Variants in NUP43 observed in about 807,000 individuals in gnomAD.
NUP43 encodes the protein nucleoporin 43.
In NUP43, 32 loss-of-function variants were observed where a neutral mutation model predicts 47.3. That is an observed-to-expected ratio of 0.68 (90% CI 0.51 to 0.91). The LOEUF (loss-of-function observed/expected upper bound fraction) is 0.91. Among genes scored for constraint, NUP43 ranks in the 40% least tolerant of loss-of-function variants. The pLI, the probability that NUP43 is intolerant of heterozygous loss-of-function variation, is 0.00. For missense variants in NUP43, 444 were observed against 453.9 expected (o/e 0.98, Z 0.20); for synonymous variants, 147 against 158.4 (o/e 0.93, Z 0.54).
chr6:149,746,833 C>A (rs750845364), upstream of NUP43, among the ~76,000 whole-genome samples: 3 of 152,166 alleles, frequency 2.0e-5, no homozygotes, highest in Non-Finnish European at 4.4e-5. Context: ...CAGTAGAAAC[C>A]ACCTTGAAAC....
At position 149,736,502 on chromosome 6, in the gene NUP43, A is replaced by G; in HGVS notation, c.759T>C (p.Pro253=). Residue 253 remains proline, a synonymous_variant, in exon 6 of 8, where the codon CCT becomes CCC. Transcript: ENST00000340413. ...SIWDVRQGTM[P]VSLLKAHEAE... is the part of the protein sequence containing the mutation. ...CTTCATGAGCCTTCAGCAGAGATAC[A>G]GGCATAGTACCTTGTCTAACATCCC... 1.9e-6 allele frequency: 3 copies of G among 1,599,288 alleles called. No homozygotes were observed. Among genetic ancestry groups the G allele is most frequent in the Non-Finnish European group, 2.6e-6 (3 of 1,168,420 alleles).
chr6:149,738,235 A>G (rs534939851), intron 5 of NUP43, among the ~76,000 whole-genome samples: 2 of 152,188 alleles, frequency 1.3e-5, no homozygotes, highest in Admixed American at 1.3e-4. Flanking sequence ...AGTTTATGTA[A>G]CTATTTTTTC....
In NUP43 at chr6:149,726,858, T is replaced by C; in HGVS notation, c.*111A>G. On this transcript the variant is annotated 3_prime_UTR_variant, in exon 8 of 8. Coordinates refer to ENST00000340413, the MANE Select transcript of NUP43 (RefSeq NM_198887.3). ...GGCATTGACATTAATGGTAGTTTAC[T>C]GATGTTTCCCCTGCAAATCTCGTAT... 1.3e-6 allele frequency: 1 copy of C among 772,634 alleles called. No individual in the cohort carries two copies. Among genetic ancestry groups the C allele is most frequent in the Non-Finnish European group, 2.2e-6 (1 of 463,910 alleles). The allele number at this position is 772,634 out of a possible 1,614,324, so 47.9% of individuals were successfully genotyped here.
At position 149,725,420 on chromosome 6, in the gene NUP43, C is replaced by A. The variant is rs1272358981; in HGVS notation, c.*1549G>T. 5 of 152,200 alleles carry A rather than the reference C, an allele frequency of 3.3e-5. No individual in the cohort carries two copies. The highest frequency in any genetic ancestry group is 7.3e-5 in the Non-Finnish European group (5 of 68,076). 9.4% of individuals were successfully genotyped at this position (152,200 alleles called of 1,614,324 possible). A position where few individuals can be genotyped will look rare whatever the true frequency, so the allele number is the denominator to read the frequency against. On this transcript the variant is annotated 3_prime_UTR_variant, in exon 8 of 8. Coordinates refer to ENST00000340413, the MANE Select transcript of NUP43 (RefSeq NM_198887.3). ...CCTGGCCAACACAGTGAAACCCCAT[C>A]TCTACTAAAAATACAAAAATTAGCT...
At chr6:149,728,994 T>TTTTTC (rs943333524) in intron 7 of NUP43, among the ~76,000 whole-genome samples, 3 of 152,198 alleles carry the variant, frequency 2.0e-5, no homozygotes, top group African/African-American at 7.2e-5. Context: ...GTTATTTTCC[T>TTTTTC]TTTTCTTTTT....
At chr6:149,736,332 C>T (rs1785354553) in intron 6 of NUP43, 139 bp downstream of exon 6, 2 of 545,120 alleles carry the variant, frequency 3.7e-6, no homozygotes, top group East Asian at 3.2e-5. Flanking sequence ...AAAGAAATTA[C>T]ATAACTATTT....
chr6:149,729,223 C>T (rs1391506702), intron 7 of NUP43, among the ~76,000 whole-genome samples: 2 of 152,142 alleles, frequency 1.3e-5, no homozygotes, highest in African/African-American at 2.4e-5. Context: ...AACTCCTGGC[C>T]TCAGGTCATC....
upstream of NUP43, among the ~76,000 whole-genome samples, chr6:149,748,906 G>C (rs1786169032): frequency 6.6e-6 from 1 of 151,626 alleles, no homozygotes; most frequent in South Asian, 2.1e-4. Context: ...ATTTGGACGC[G>C]ACAAGCAATG....
At chr6:149,733,541 G>C (rs1006541152) in intron 6 of NUP43, among the ~76,000 whole-genome samples, 1 of 151,618 alleles carries the variant, frequency 6.6e-6, no homozygotes, top group Non-Finnish European at 1.5e-5. Context: ...GACCTCCAAG[G>C]CTTAAGCAAT....
chr6:149,745,256 C>T (rs910537140), intron 2 of NUP43, among the ~76,000 whole-genome samples: 2 of 151,578 alleles, frequency 1.3e-5, no homozygotes, highest in Admixed American at 1.3e-4. Flanking sequence ...AAAAATTAGC[C>T]GGGTATGGTG....
chr6:149,736,089 C>T (rs1032790476), intron 6 of NUP43, among the ~76,000 whole-genome samples: 3 of 151,486 alleles, frequency 2.0e-5, no homozygotes, highest in African/African-American at 7.3e-5. Context: ...ACCAGCCTGA[C>T]CAACATGGAG....
chr6:149,737,796 T>A (rs1382162799), intron 5 of NUP43, among the ~76,000 whole-genome samples: 1 of 152,090 alleles, frequency 6.6e-6, no homozygotes, highest in Non-Finnish European at 1.5e-5. Context: ...GTTCAAGTGA[T>A]TCTCCTGCCT....
Position 149,742,473 on chromosome 6 carries a change from T to C in NUP43, c.419A>G (p.Asn140Ser), listed in dbSNP as rs1165544367. Reference sequence around the variant, plus strand: ...TCCAACTGTAACGATTTCTGGGTTGTTGCACACAACACCTGTACATGGTGC... The same window carrying C: ...TCCAACTGTAACGATTTCTGGGTTGCTGCACACAACACCTGTACATGGTGC... ...SSAPCTGVVC[N>S]NPEIVTVGED... The change falls in exon 4 of 8, where the codon AAC becomes AGC. Residue 140 changes from asparagine (N) to serine (S), a missense_variant. Physicochemically the swap from Asn to Ser is conservative, Grantham distance 46. Transcript: ENST00000340413. The C allele has an allele frequency of 6.2e-7, 1 of 1,614,218 alleles. No individual in the cohort carries two copies. The highest frequency in any genetic ancestry group is 2.2e-5 in the East Asian group (1 of 44,890).
intron 7 of NUP43, among the ~76,000 whole-genome samples, chr6:149,730,585 A>G (rs1448059863): frequency 6.6e-6 from 1 of 152,166 alleles, no homozygotes; most frequent in Non-Finnish European, 1.5e-5. Context: ...AAGAGAATAA[A>G]AATGTTTTGC....
rs190370934 is a variant in NUP43, at chr6:149,734,776, C to T, written c.790+1695G>A. ...TTGTGCCACTGCACTCCAGCCTGGG[C>T]GACAGAACAAGACTCTGTCTCAAAA... is the stretch of plus-strand genomic sequence containing the variant. On this transcript the variant is annotated intron_variant, in intron 6 of 7. Coordinates refer to ENST00000340413, the MANE Select transcript of NUP43 (RefSeq NM_198887.3). 1.5e-3 allele frequency among the ~76,000 whole-genome samples: 187 copies of T among 125,792 alleles called. 2 individuals are homozygous for T. In the East Asian group the frequency reaches 0.022, roughly 15 times the overall value. 82.5% of individuals were successfully genotyped at this position (125,792 alleles called of 152,430 possible).
chr6:149,732,602 T>C (rs932466559), intron 6 of NUP43, among the ~76,000 whole-genome samples: 3 of 151,704 alleles, frequency 2.0e-5, no homozygotes, highest in Non-Finnish European at 4.4e-5. Context: ...TCCTACCACT[T>C]TGGGAGGCCG....
chr6:149,747,863 G>A (rs151068238), upstream of NUP43, among the ~76,000 whole-genome samples: 100 of 152,212 alleles, frequency 6.6e-4, no homozygotes, highest in African/African-American at 2.1e-3. Flanking sequence ...AATCCATCTG[G>A]GTCAGCTTTA....
chr6:149,743,864 A>C, intron 2 of NUP43, 149 bp from the exon 3 acceptor site: 1 of 562,670 alleles, frequency 1.8e-6, no homozygotes, highest in Non-Finnish European at 3.1e-6. Flanking sequence ...TGTGTTAATG[A>C]AGCTGAAAGG....
intron 3 of NUP43, among the ~76,000 whole-genome samples, chr6:149,743,191 T>TA (rs1785760640): frequency 6.7e-6 from 1 of 149,780 alleles, no homozygotes; most frequent in Non-Finnish European, 1.5e-5. Flanking sequence ...AAAAAATAAA[T>TA]AAATAAAATA....
Sources: allele counts gnomAD v4.1 joint callset (sites outside exome capture counted in the v4.1 genomes callset), GRCh38; gene constraint gnomAD v4.1.1; transcripts MANE v1.5; gene names NCBI Gene and HGNC (gene_info 2026-07-23, HGNC 2026-07-21).